The following EPB41L2 variants were observed in gnomAD, a reference collection of about 807,000 sequenced individuals.
EPB41L2 encodes band 4.1-like protein 2.
Under a neutral mutation model 113.0 loss-of-function variants are expected in EPB41L2, and 43 were observed. The observed-to-expected ratio is 0.38, with a 90% CI of 0.30 to 0.49. EPB41L2 has a LOEUF of 0.49. Among genes scored for constraint, EPB41L2 ranks in the 20% least tolerant of loss-of-function variants. The pLI is 0.95. For synonymous variants in EPB41L2, 442 were observed against 436.7 expected (o/e 1.01, Z -0.15); for missense variants, 1,147 against 1,223.4 (o/e 0.94, Z 0.93).
intron 1 of EPB41L2, among the ~76,000 whole-genome samples, chr6:131,038,238 A>T (rs1562780655): frequency 6.6e-6 from 1 of 152,230 alleles, no homozygotes; most frequent in Non-Finnish European, 1.5e-5. Flanking sequence ...ACAGTGATGC[A>T]GAAAATAACT....
chr6:130,935,529 T>C (rs1808484497), intron 3 of EPB41L2, among the ~76,000 whole-genome samples: 1 of 152,210 alleles, frequency 6.6e-6, no homozygotes, highest in Non-Finnish European at 1.5e-5. Flanking sequence ...TTTTATGCTA[T>C]GTGGAAAATG....
intron 18 of EPB41L2, among the ~76,000 whole-genome samples, chr6:130,862,237 T>A (rs1427025762): frequency 6.6e-6 from 1 of 152,122 alleles, no homozygotes; most frequent in African/African-American, 2.4e-5. Flanking sequence ...TACACATAAG[T>A]AAAACCTGAG....
chr6:130,878,293 GA>G, intron 13 of EPB41L2, 43 bp from the exon 14 acceptor site: 1 of 1,542,452 alleles, frequency 6.5e-7, no homozygotes, highest in South Asian at 1.3e-5. Context: ...AATCCAAAAG[GA>G]AAAAACCCAG....
intron 18 of EPB41L2, among the ~76,000 whole-genome samples, chr6:130,861,531 C>A (rs773526064): frequency 1.3e-5 from 2 of 152,116 alleles, no homozygotes; most frequent in Non-Finnish European, 2.9e-5. Context: ...AAGTGAACCC[C>A]CAACAGCTTC....
intron 6 of EPB41L2, among the ~76,000 whole-genome samples, chr6:130,903,735 G>C (rs956975416): frequency 6.6e-6 from 1 of 151,956 alleles, no homozygotes; most frequent in Non-Finnish European, 1.5e-5. Flanking sequence ...TGCTATCCCT[G>C]GTACCCAGTG....
At chr6:130,867,646 C>A (rs748451870) in intron 15 of EPB41L2, 65 bp from the exon 16 acceptor site, 3 of 1,571,874 alleles carry the variant, frequency 1.9e-6, no homozygotes, top group Admixed American at 1.7e-5. Flanking sequence ...TTTAATGGAA[C>A]CTTCACAAAT....
chr6:131,022,351 T>C (rs1338314521), intron 1 of EPB41L2, among the ~76,000 whole-genome samples: 1 of 152,176 alleles, frequency 6.6e-6, no homozygotes, highest in Non-Finnish European at 1.5e-5. Flanking sequence ...AACGTGACAC[T>C]GCATTCTTTC....
At chr6:131,050,800 C>T (rs921688030) in intron 1 of EPB41L2, among the ~76,000 whole-genome samples, 5 of 152,190 alleles carry the variant, frequency 3.3e-5, no homozygotes, top group Non-Finnish European at 2.9e-5. Flanking sequence ...CCCCATGTTG[C>T]CCAGGCTGGT....
intron 19 of EPB41L2, among the ~76,000 whole-genome samples, chr6:130,849,290 A>G (rs1778055935): frequency 6.6e-6 from 1 of 152,188 alleles, no homozygotes; most frequent in African/African-American, 2.4e-5. Flanking sequence ...AAGCACTAAT[A>G]ATTGATTCAA....
chr6:130,853,895 G>A (rs929289282), intron 19 of EPB41L2, among the ~76,000 whole-genome samples: 16 of 152,142 alleles, frequency 1.1e-4, no homozygotes, highest in African/African-American at 3.9e-4. Flanking sequence ...GTGGGATTCT[G>A]GCAGGGCAGC....
intron 4 of EPB41L2, among the ~76,000 whole-genome samples, chr6:130,922,100 T>C (rs530785766): frequency 6.6e-6 from 1 of 152,312 alleles, no homozygotes; most frequent in East Asian, 1.9e-4. Flanking sequence ...TTACGAACAA[T>C]GGAGGAAGAA....
intron 3 of EPB41L2, among the ~76,000 whole-genome samples, chr6:130,944,143 T>TTA (rs753734867): frequency 4.4e-5 from 6 of 136,254 alleles, no homozygotes; most frequent in South Asian, 2.4e-4. Context: ...GGTGGGTGGA[T>TTA]TATATATATA....
rs536763663 is a variant in EPB41L2 at position 130,865,664 on chromosome 6, TA to T, written c.2731-31del. ...GGATAGTTGGGGGAAAAATACAAAGTAATGCTTAACTTCTGTTATGTTGTCA... is the reference window on the plus strand; with the variant it reads ...GGATAGTTGGGGGAAAAATACAAAGTATGCTTAACTTCTGTTATGTTGTCA... On this transcript the variant is annotated intron_variant, in intron 16 of 19. Transcript: ENST00000337057. 1,047 of 1,602,462 alleles carry T rather than the reference TA, an allele frequency of 6.5e-4. 1 individual carries two copies. The highest frequency in any genetic ancestry group is 7.7e-4 in the Non-Finnish European group (901 of 1,169,714).
intron 1 of EPB41L2, among the ~76,000 whole-genome samples, chr6:131,014,772 A>G (rs1787806433): frequency 6.6e-6 from 1 of 152,232 alleles, no homozygotes; most frequent in East Asian, 1.9e-4. Context: ...ATTCAAGAGA[A>G]GATAAAAGAG....
chr6:130,846,884 C>T (rs1026745020), intron 19 of EPB41L2, among the ~76,000 whole-genome samples: 1 of 152,176 alleles, frequency 6.6e-6, no homozygotes, highest in East Asian at 1.9e-4. Flanking sequence ...ATATTTTACT[C>T]CTGGCTTTGC....
intron 1 of EPB41L2, among the ~76,000 whole-genome samples, chr6:131,032,938 C>T (rs1265623263): frequency 1.3e-5 from 2 of 152,198 alleles, no homozygotes; most frequent in Non-Finnish European, 2.9e-5. Context: ...TGCAGTGGCA[C>T]AATCTCAGCT....
At chr6:131,005,243 G>A (rs904182783) in intron 1 of EPB41L2, among the ~76,000 whole-genome samples, 3 of 151,490 alleles carry the variant, frequency 2.0e-5, no homozygotes, top group Admixed American at 6.6e-5. Flanking sequence ...ATCTACTGCT[G>A]GTGATGTGGT....
chr6:130,976,103 A>G (rs931166097), intron 1 of EPB41L2, among the ~76,000 whole-genome samples: 13 of 152,200 alleles, frequency 8.5e-5, no homozygotes, highest in Non-Finnish European at 1.6e-4. Context: ...CCCATCTACC[A>G]ATCGTCATGC....
intron 1 of EPB41L2, among the ~76,000 whole-genome samples, chr6:130,979,305 G>A (rs900736396): frequency 4.0e-5 from 6 of 151,834 alleles, no homozygotes; most frequent in East Asian, 1.9e-4. Context: ...GGCCAACATA[G>A]CAAAACCCCA....
Sources: gnomAD v4.1 joint callset for allele counts (sites outside exome capture counted in the v4.1 genomes callset) on GRCh38, gnomAD v4.1.1 for gene constraint, MANE v1.5 for transcripts, NCBI Gene and HGNC (gene_info 2026-07-23, HGNC 2026-07-21) for gene names.